The following USP10 variants were observed in gnomAD, a reference collection of about 807,000 sequenced individuals.
The protein encoded by USP10 is ubiquitin carboxyl-terminal hydrolase 10.
A neutral mutation model predicts 84.5 loss-of-function variants in USP10; 22 were observed. The ratio of observed to expected loss-of-function variants is 0.26; its 90% CI spans 0.19 to 0.37. The LOEUF is 0.37. Among genes scored for constraint, USP10 ranks in the 10% least tolerant of loss-of-function variants. USP10 has a pLI of 1.00. For synonymous variants in USP10, 454 were observed against 387.6 expected (o/e 1.17, Z -2.01); for missense variants, 1,019 against 998.9 (o/e 1.02, Z -0.27).
chr16:84,758,734 C>T lies in USP10; in HGVS notation c.1211C>T (p.Thr404Ile), dbSNP rs771613014. 2.6e-5 allele frequency: 42 copies of T among 1,613,172 alleles called. No individual in the cohort carries two copies. In the Admixed American group the frequency reaches 6.0e-4, roughly 23 times the overall value. ...CTTTCAGAGTTGCTGGAGAATGTAA[C>T]CCTAATCCATAAACCAGTGTCGTTG... ...IKIAELLENV[T>I]LIHKPVSLQP... The change falls in exon 5 of 14, where the codon ACC becomes ATC. Residue 404 changes from threonine to isoleucine, a missense_variant. By Grantham distance (89) the Thr-to-Ile change is moderately conservative. Around this residue, in one of 2 missense-constraint regions of USP10, gnomAD observed 787 missense variants for 708.8 expected, o/e 1.11. Coordinates refer to ENST00000219473, the MANE Select transcript of USP10 (RefSeq NM_005153.3).
At chr16:84,746,850 TG>T (rs1232079739) in intron 4 of USP10, among the ~76,000 whole-genome samples, 3 of 152,254 alleles carry the variant, frequency 2.0e-5, no homozygotes, top group Admixed American at 2.0e-4. Flanking sequence ...CTAAACTTTT[TG>T]ACTCTTTCAT....
chr16:84,709,904 T>G (rs995589354), intron 1 of USP10, among the ~76,000 whole-genome samples: 1 of 151,664 alleles, frequency 6.6e-6, no homozygotes, highest in East Asian at 1.9e-4. Flanking sequence ...GCCGGGAGTC[T>G]GGAGAGGAGA....
At chr16:84,766,769 T>C (rs866914092) in intron 10 of USP10, among the ~76,000 whole-genome samples, 1 of 152,182 alleles carries the variant, frequency 6.6e-6, no homozygotes, top group Admixed American at 6.5e-5. Flanking sequence ...TGTGTTGAAA[T>C]TGGTTGTTGA....
chr16:84,711,156 T>G (rs540188037), intron 1 of USP10, among the ~76,000 whole-genome samples: 2 of 152,326 alleles, frequency 1.3e-5, no homozygotes, highest in African/African-American at 4.8e-5. Context: ...TGGCATTCAT[T>G]AAGTCCATGA....
At chr16:84,737,269 A>G (rs1417692315) in intron 2 of USP10, among the ~76,000 whole-genome samples, 5 of 152,254 alleles carry the variant, frequency 3.3e-5, no homozygotes, top group African/African-American at 1.2e-4. Context: ...TGCGTTTAGC[A>G]TAACTATTAA....
chr16:84,727,478 A>G (rs948957731), intron 1 of USP10, among the ~76,000 whole-genome samples: 1 of 152,160 alleles, frequency 6.6e-6, no homozygotes, highest in African/African-American at 2.4e-5. Flanking sequence ...AAACAAACAA[A>G]CAAACAAACA....
intron 4 of USP10, among the ~76,000 whole-genome samples, chr16:84,748,960 T>A (rs1191343773): frequency 6.6e-6 from 1 of 152,246 alleles, no homozygotes; most frequent in Admixed American, 6.5e-5. Flanking sequence ...AGGTCAGTTA[T>A]GAAGATGTTT....
chr16:84,750,294 G>A (rs1003423382), intron 4 of USP10, among the ~76,000 whole-genome samples: 3 of 151,792 alleles, frequency 2.0e-5, no homozygotes, highest in African/African-American at 7.3e-5. Flanking sequence ...TGTAATCCTA[G>A]CTACTGAGGA....
At chr16:84,750,423 C>T (rs907204290) in intron 4 of USP10, among the ~76,000 whole-genome samples, 3 of 138,450 alleles carry the variant, frequency 2.2e-5, no homozygotes, top group African/African-American at 7.7e-5. Context: ...AAAAAAAAAC[C>T]CAAAACTTAA....
intron 1 of USP10, among the ~76,000 whole-genome samples, chr16:84,702,720 C>T (rs1293679125): frequency 1.3e-5 from 2 of 151,894 alleles, no homozygotes; most frequent in African/African-American, 4.8e-5. Flanking sequence ...CAGGCCAGCG[C>T]GGTGGCTCGT....
At chr16:84,717,064 G>T (rs1198676753) in intron 1 of USP10, among the ~76,000 whole-genome samples, 1 of 152,176 alleles carries the variant, frequency 6.6e-6, no homozygotes, top group Non-Finnish European at 1.5e-5. Context: ...CGGGTCTTGT[G>T]AATGTGCACA....
chr16:84,726,728 G>C (rs142373988), intron 1 of USP10, among the ~76,000 whole-genome samples: 52 of 152,362 alleles, frequency 3.4e-4, no homozygotes, highest in African/African-American at 1.2e-3. Context: ...AGGGGAAGTG[G>C]TGGAGGGGAA....
chr16:84,767,784 T>A lies in USP10; in HGVS notation c.1833-409T>A, dbSNP rs1039605070. On this transcript the variant is annotated intron_variant, in intron 10 of 13. Transcript: ENST00000219473. ...TCAGCAGAATTATTATTATTTTTTT[T>A]AATTTATTTTTTTATTGATAATTCT... Among the ~76,000 whole-genome samples the A allele has an allele frequency of 1.7e-4, 24 of 138,412 alleles. No homozygotes were observed. The East Asian group carries it at 3.7e-3, about 21-fold the overall frequency. 90.8% of individuals were successfully genotyped at this position (138,412 alleles called of 152,430 possible).
chr16:84,712,172 G>C (rs541849463), intron 1 of USP10, among the ~76,000 whole-genome samples: 1 of 152,190 alleles, frequency 6.6e-6, no homozygotes, highest in Non-Finnish European at 1.5e-5. Context: ...TTGTGTGTAT[G>C]GCAGGCTTTG....
chr16:84,764,219 T>C lies in USP10; in HGVS notation c.1788T>C (p.Asp596=), dbSNP rs374723971. Reference sequence around the variant, plus strand: ...AGACTTCCGTCACCCGCCAGGCGGATTTTGTTCAGACTCCAATCACCGGCA... The same window carrying C: ...AGACTTCCGTCACCCGCCAGGCGGACTTTGTTCAGACTCCAATCACCGGCA... The part of the protein sequence containing the change: ...RNKTSVTRQA[D]FVQTPITGIF... Residue 596 remains aspartate, a synonymous_variant, in exon 10 of 14, where the codon GAT becomes GAC. Transcript: ENST00000219473. 60 of 1,613,890 alleles carry C rather than the reference T, an allele frequency of 3.7e-5. No individual in the cohort carries two copies. Among genetic ancestry groups the C allele is most frequent in the Non-Finnish European group, 5.0e-5 (59 of 1,179,894 alleles).
At chr16:84,769,899 A>G (rs1914250051) in intron 11 of USP10, among the ~76,000 whole-genome samples, 1 of 152,178 alleles carries the variant, frequency 6.6e-6, no homozygotes, top group African/African-American at 2.4e-5. Context: ...GTTAGACGGT[A>G]GTGAAGAAAG....
chr16:84,704,572 A>G (rs750158272), intron 1 of USP10, among the ~76,000 whole-genome samples: 3 of 152,372 alleles, frequency 2.0e-5, no homozygotes, highest in Admixed American at 6.5e-5. Flanking sequence ...ATTTCTGTCA[A>G]TACAGGCTGG....
chr16:84,745,651 T>C lies in USP10; in HGVS notation c.1170T>C (p.Asp390=), dbSNP rs555849279. 2.5e-6 allele frequency: 4 copies of C among 1,611,300 alleles called. No homozygotes were observed. The East Asian group carries it at 6.7e-5, about 27-fold the overall frequency. ...VKEGLVPVSE[D]PVAIKIAELL... ...AAGGGCTTGTTCCGGTTTCAGAGGA[T>C]CCTGTAGCCATAAAGATTGCAGGTA... Residue 390 remains aspartate, a synonymous_variant, in exon 4 of 14, where the codon GAT becomes GAC. Coordinates refer to ENST00000219473, the MANE Select transcript of USP10 (RefSeq NM_005153.3).
intron 2 of USP10, among the ~76,000 whole-genome samples, chr16:84,738,099 G>GTGAAGTGGATGGGTGAAGAGGTCCC (rs1910170622): frequency 2.0e-5 from 3 of 151,628 alleles, no homozygotes; most frequent in Non-Finnish European, 2.9e-5. Flanking sequence ...TCTCTGCCTT[G>GTGAAGTGGATGGGTGAAGAGGTCCC]TGAAGTGGAT....
Sources: gnomAD v4.1 joint callset for allele counts (sites outside exome capture counted in the v4.1 genomes callset) on GRCh38, gnomAD v4.1.1 for gene constraint, gnomAD v4.1.1 regional missense constraint, MANE v1.5 for transcripts, NCBI Gene and HGNC (gene_info 2026-07-23, HGNC 2026-07-21) for gene names.